The following ZXDC variants were observed in gnomAD, a reference collection of about 807,000 sequenced individuals.
ZXDC encodes the protein ZXD family zinc finger C, also known as zinc finger protein ZXDC.
Under a neutral mutation model 63.6 loss-of-function variants are expected in ZXDC, and 58 were observed. The observed-to-expected ratio is 0.91, with a 90% CI of 0.74 to 1.13. The LOEUF is 1.13. Ranked by LOEUF, ZXDC falls within the 50% of genes most tolerant of loss-of-function variation. The probability of loss-of-function intolerance (pLI) is 0.00; values close to 1 mark genes in which losing one functional copy is unlikely to be tolerated. For synonymous variants in ZXDC, 561 were observed against 496.1 expected (o/e 1.13, Z -1.74); for missense variants, 1,133 against 1,148.9 (o/e 0.99, Z 0.20).
At chr3:126,465,288 G>A (rs1036897497) in intron 5 of ZXDC, among the ~76,000 whole-genome samples, 3 of 152,262 alleles carry the variant, frequency 2.0e-5, no homozygotes, top group Admixed American at 2.0e-4. Flanking sequence ...CGCCACCACA[G>A]CTGCCAGGCA....
chr3:126,445,056 G>A (rs1253792665), intron 7 of ZXDC, among the ~76,000 whole-genome samples: 3 of 152,118 alleles, frequency 2.0e-5, no homozygotes, highest in African/African-American at 4.8e-5. Flanking sequence ...AAAAATCACA[G>A]GAATTTCTTT....
chr3:126,441,000 A>G, intron 8 of ZXDC: 1 of 985,580 alleles, frequency 1.0e-6, no homozygotes, highest in Non-Finnish European at 1.2e-6. Context: ...GGGAATCTAC[A>G]AAGTGGAGTG....
intron 5 of ZXDC, among the ~76,000 whole-genome samples, chr3:126,465,678 T>C (rs1934728305): frequency 6.6e-6 from 1 of 151,962 alleles, no homozygotes; most frequent in South Asian, 2.1e-4. Context: ...GGGCAGGGCA[T>C]GGTGGCTCAT....
intron 4 of ZXDC, among the ~76,000 whole-genome samples, chr3:126,467,037 G>C (rs1934797316): frequency 6.6e-6 from 1 of 152,144 alleles, no homozygotes; most frequent in Non-Finnish European, 1.5e-5. Context: ...GACCTGGTAG[G>C]GGCAAATAGA....
Position 126,439,653 on chromosome 3 carries a change from G to T in ZXDC, c.2469C>A (p.Asp823Glu), listed in dbSNP as rs187359851. 7.1e-5 allele frequency: 111 copies of T among 1,553,848 alleles called. No homozygotes were observed. The African/African-American group carries it at 1.4e-3, about 20-fold the overall frequency. Residue 823 changes from aspartate (D) to glutamate (E), a missense_variant, in exon 9 of 10, where the codon GAC (aspartate) becomes GAA (glutamate). Physicochemically the swap from Asp to Glu is conservative, Grantham distance 45 (BLOSUM62 2). Coordinates refer to ENST00000389709, the MANE Select transcript of ZXDC (RefSeq NM_025112.5). ...AGACCTGGAGGACGTAGACGGGCAGGTCCACAGTGAGGAAGGGGAGGAAGG... is the reference window on the plus strand; with the variant it reads ...AGACCTGGAGGACGTAGACGGGCAGTTCCACAGTGAGGAAGGGGAGGAAGG... ...PATFLPFLTVDLPVYVLQEVL... is the reference protein window; with the variant it reads ...PATFLPFLTVELPVYVLQEVL...
intron 5 of ZXDC, among the ~76,000 whole-genome samples, chr3:126,462,897 C>CTA: frequency 6.6e-6 from 1 of 152,100 alleles, no homozygotes; most frequent in South Asian, 2.1e-4. Context: ...GCCCCCTAGA[C>CTA]GGAGCTTTTC....
At position 126,443,531 on chromosome 3, in the gene ZXDC, G is replaced by A. The variant is rs551628296; in HGVS notation, c.2213-1585C>T. ...TGCTAACAAATACCGACATAGACATGAAGTGAGAACATGCTGTTGGAAAAA... is the reference window on the plus strand; with the variant it reads ...TGCTAACAAATACCGACATAGACATAAAGTGAGAACATGCTGTTGGAAAAA... On this transcript the variant is annotated intron_variant, in intron 7 of 9. Coordinates refer to ENST00000389709, the MANE Select transcript of ZXDC (RefSeq NM_025112.5). The A allele has an allele frequency of 5.9e-5, 9 of 152,330 alleles. No homozygotes were observed. In the South Asian group the frequency reaches 1.4e-3, roughly 25 times the overall value. The allele number at this position is 152,330 out of a possible 1,614,324, so 9.4% of individuals were successfully genotyped here. A position where few individuals can be genotyped will look rare whatever the true frequency, so the allele number is the denominator to read the frequency against.
intron 1 of ZXDC, among the ~76,000 whole-genome samples, chr3:126,473,478 A>T (rs1284489743): frequency 3.3e-5 from 5 of 152,168 alleles, no homozygotes; most frequent in Non-Finnish European, 7.4e-5. Flanking sequence ...CAGCCAACAC[A>T]AAACCCTCAA....
intron 7 of ZXDC, chr3:126,452,920 A>C: frequency 1.6e-6 from 1 of 627,096 alleles, no homozygotes; most frequent in Non-Finnish European, 2.0e-6. Context: ...TATTTTTTTT[A>C]CAGATGGGGG....
intron 7 of ZXDC, chr3:126,452,904 A>T: frequency 2.0e-6 from 1 of 499,776 alleles, no homozygotes; most frequent in South Asian, 8.6e-5. Flanking sequence ...ACGCGTGGCT[A>T]ATTATTATTT....
At chr3:126,460,587 C>A in intron 6 of ZXDC, 1 of 985,442 alleles carries the variant, frequency 1.0e-6, no homozygotes, top group Non-Finnish European at 1.2e-6. Context: ...GCACTTGTCT[C>A]TGACCTGTGG....
In ZXDC at chr3:126,441,914, CTTT is replaced by C. The variant is rs1560088354; in HGVS notation, c.2242_2244del (p.Lys748del). 1.1e-5 allele frequency: 18 copies of C among 1,611,054 alleles called. No individual in the cohort carries two copies. Among genetic ancestry groups the C allele is most frequent in the Non-Finnish European group, 1.5e-5 (18 of 1,178,856 alleles). ...AAATGGGGAGGACTCATTTTGCCTT[CTTT>C]TATTTTTCTCTGAGTAGACTGTGAG... is the stretch of plus-strand genomic sequence containing the variant. On this transcript the variant is annotated inframe_deletion, in exon 8 of 10. Transcript: ENST00000389709.
intron 7 of ZXDC, chr3:126,458,788 T>C (rs928377988): frequency 1.0e-6 from 1 of 985,332 alleles, no homozygotes; most frequent in African/African-American, 1.7e-5. Context: ...TTCCTTCTAT[T>C]ATCTCTGCAA....
At chr3:126,463,751 T>A in intron 5 of ZXDC, among the ~76,000 whole-genome samples, 1 of 152,226 alleles carries the variant, frequency 6.6e-6, no homozygotes, top group East Asian at 1.9e-4. Context: ...ATTTCTCCCA[T>A]GCCAGCTGTT....
intron 5 of ZXDC, among the ~76,000 whole-genome samples, chr3:126,463,726 C>T (rs1934645166): frequency 6.6e-6 from 1 of 152,214 alleles, no homozygotes; most frequent in Non-Finnish European, 1.5e-5. Context: ...AAGCTGCTCT[C>T]GGTTCTCTGA....
At position 126,460,105 on chromosome 3, in the gene ZXDC, C is replaced by T. The variant is rs188790286; in HGVS notation, c.2128-368G>A. On this transcript the variant is annotated intron_variant, in intron 6 of 9. Coordinates refer to ENST00000389709, the MANE Select transcript of ZXDC (RefSeq NM_025112.5). The stretch of plus-strand genomic sequence containing the variant: ...GGTCACCTTACCGCGACACTTTTCA[C>T]GCTGTTTCACACACGTGCATGGCAG... 1,470 of 985,442 alleles carry T rather than the reference C, an allele frequency of 1.5e-3. 2 individuals are homozygous for T. Among genetic ancestry groups the T allele is most frequent in the Non-Finnish European group, 1.7e-3 (1,412 of 829,934 alleles). 61.0% of individuals were successfully genotyped at this position (985,442 alleles called of 1,614,324 possible).
At chr3:126,459,785 A>C in intron 6 of ZXDC, 48 bp from the exon 7 acceptor site, 2 of 1,613,940 alleles carry the variant, frequency 1.2e-6, no homozygotes, top group Non-Finnish European at 1.7e-6. Flanking sequence ...ACACAAAGGA[A>C]GGGTAGCAAG....
chr3:126,441,704 C>A, intron 8 of ZXDC, 61 bp downstream of exon 8: 2 of 1,505,858 alleles, frequency 1.3e-6, no homozygotes, highest in South Asian at 1.3e-5. Flanking sequence ...GCACACTGCT[C>A]AGACCTGCGT....
intron 9 of ZXDC, 44 bp from the exon 10 acceptor site, chr3:126,438,505 G>C: frequency 1.1e-5 from 17 of 1,550,592 alleles, no homozygotes; most frequent in African/African-American, 1.4e-5. Flanking sequence ...AGGGAGGGGA[G>C]GCAGAGGGAT....
Sources: gnomAD v4.1 joint callset for allele counts (sites outside exome capture counted in the v4.1 genomes callset) on GRCh38, gnomAD v4.1.1 for gene constraint, MANE v1.5 for transcripts, NCBI Gene and HGNC (gene_info 2026-07-23, HGNC 2026-07-21) for gene names.